The following NR2F1-AS1 variants were observed in gnomAD, a reference collection of about 807,000 sequenced individuals.
NR2F1-AS1 encodes NR2F1 regulatory antisense RNA 1.
At chr5:93,463,629 G>A (rs893837339) in intron 4 of NR2F1-AS1, among the ~76,000 whole-genome samples, 1 of 152,106 alleles carries the variant, frequency 6.6e-6, no homozygotes, top group African/African-American at 2.4e-5. Context: ...GCCAGGAGGG[G>A]GCCTGTACCC....
At chr5:93,413,208 G>GTA (rs752991953) in intron 4 of NR2F1-AS1, among the ~76,000 whole-genome samples, 199 of 128,580 alleles carry the variant, frequency 1.5e-3, no homozygotes, top group Middle Eastern at 4.3e-3. Flanking sequence ...GTATATATAT[G>GTA]TATATATATA....
At chr5:93,503,378 A>G (rs1210567745) in intron 4 of NR2F1-AS1, among the ~76,000 whole-genome samples, 1 of 152,220 alleles carries the variant, frequency 6.6e-6, no homozygotes, top group African/African-American at 2.4e-5. Flanking sequence ...TAATTTCATT[A>G]ATGTTATTAT....
At chr5:93,426,768 G>A (rs1749203985) in intron 4 of NR2F1-AS1, among the ~76,000 whole-genome samples, 1 of 152,212 alleles carries the variant, frequency 6.6e-6, no homozygotes, top group East Asian at 1.9e-4. Context: ...GTAAAAGGAA[G>A]AAGAGTGGGA....
chr5:93,498,316 G>T (rs920714064), intron 4 of NR2F1-AS1, among the ~76,000 whole-genome samples: 1 of 151,896 alleles, frequency 6.6e-6, no homozygotes, highest in African/African-American at 2.4e-5. Flanking sequence ...TTCTTGCCTT[G>T]TTTTTTCCTC....
chr5:93,482,350 G>A (rs146198832), intron 4 of NR2F1-AS1, among the ~76,000 whole-genome samples: 2 of 152,094 alleles, frequency 1.3e-5, no homozygotes, highest in African/African-American at 4.8e-5. Context: ...GCAAGGGGTC[G>A]GTGAACTCCC....
chr5:93,515,375 C>G (rs1462857878), intron 4 of NR2F1-AS1, among the ~76,000 whole-genome samples: 1 of 151,874 alleles, frequency 6.6e-6, no homozygotes, highest in African/African-American at 2.4e-5. Context: ...TTATAGATTA[C>G]TAATGGTAGT....
chr5:93,520,681 C>A (rs1390389252), intron 4 of NR2F1-AS1, among the ~76,000 whole-genome samples: 1 of 151,960 alleles, frequency 6.6e-6, no homozygotes, highest in Admixed American at 6.6e-5. Context: ...CAAATAAATT[C>A]TCGTCTTCCA....
chr5:93,472,564 T>C (rs1164096316), intron 4 of NR2F1-AS1, among the ~76,000 whole-genome samples: 1 of 151,896 alleles, frequency 6.6e-6, no homozygotes, highest in Non-Finnish European at 1.5e-5. Context: ...TGATTATACA[T>C]ATATGTAAAA....
At chr5:93,513,528 T>C (rs1751343593) in intron 4 of NR2F1-AS1, among the ~76,000 whole-genome samples, 1 of 152,094 alleles carries the variant, frequency 6.6e-6, no homozygotes, top group Non-Finnish European at 1.5e-5. Context: ...ATGGAGGTCA[T>C]TATCCCAAGT....
At chr5:93,537,038 G>C (rs1264863137) in intron 4 of NR2F1-AS1, among the ~76,000 whole-genome samples, 2 of 152,176 alleles carry the variant, frequency 1.3e-5, no homozygotes, top group African/African-American at 4.8e-5. Flanking sequence ...GGCCTCCGCA[G>C]CCATGTGGAA....
At chr5:93,499,049 C>G (rs1420644760) in intron 4 of NR2F1-AS1, among the ~76,000 whole-genome samples, 3 of 152,106 alleles carry the variant, frequency 2.0e-5, no homozygotes, top group Non-Finnish European at 1.5e-5. Context: ...ATATGCTATT[C>G]TATTCAGAAT....
upstream of NR2F1-AS1, chr5:93,580,840 G>A (rs566655948): frequency 6.6e-5 from 10 of 152,444 alleles, no homozygotes; most frequent in Admixed American, 5.2e-4. Context: ...ATAGGGACGA[G>A]GGCAAGGAGC....
In NR2F1-AS1 at chr5:93,525,200, G is replaced by A. The variant is rs533625371; in HGVS notation, n.638+28561C>T. Among the ~76,000 whole-genome samples the A allele has an allele frequency of 5.9e-5, 9 of 151,962 alleles. No individual in the cohort carries two copies. In the East Asian group the frequency reaches 1.7e-3, roughly 29 times the overall value. On this transcript the variant is annotated intron_variant and non_coding_transcript_variant, in intron 4 of 5. Transcript: ENST00000660523. ...AAATGGAAAGCAAAAAAAAAGCAGG[G>A]GTTACAATCCTAGTCTCTGATAAAA...
At chr5:93,520,897 A>G (rs565667917) in intron 4 of NR2F1-AS1, among the ~76,000 whole-genome samples, 1 of 152,322 alleles carries the variant, frequency 6.6e-6, no homozygotes, top group African/African-American at 2.4e-5. Context: ...AAGCACTTAG[A>G]AACATCACAA....
chr5:93,526,941 A>T (rs746907426), intron 4 of NR2F1-AS1, among the ~76,000 whole-genome samples: 4 of 152,114 alleles, frequency 2.6e-5, no homozygotes, highest in Non-Finnish European at 5.9e-5. Flanking sequence ...CAGCACAAGA[A>T]AAGGATGACC....
intron 4 of NR2F1-AS1, among the ~76,000 whole-genome samples, chr5:93,418,685 C>T (rs1202478245): frequency 1.3e-5 from 2 of 152,112 alleles, no homozygotes; most frequent in African/African-American, 2.4e-5. Flanking sequence ...AATTTGCTGA[C>T]CCCTTATCTG....
chr5:93,458,395 T>G (rs1056642085), intron 4 of NR2F1-AS1, among the ~76,000 whole-genome samples: 1 of 152,118 alleles, frequency 6.6e-6, no homozygotes, highest in African/African-American at 2.4e-5. Context: ...ATCAACTGAT[T>G]TTCAACAAAT....
chr5:93,484,942 A>T (rs1303497320), intron 4 of NR2F1-AS1, among the ~76,000 whole-genome samples: 2 of 152,218 alleles, frequency 1.3e-5, no homozygotes, highest in African/African-American at 4.8e-5. Flanking sequence ...CACCCAATAC[A>T]GGAGTACCTA....
At chr5:93,415,252 A>G (rs1447827016) in intron 4 of NR2F1-AS1, among the ~76,000 whole-genome samples, 1 of 152,196 alleles carries the variant, frequency 6.6e-6, no homozygotes, top group Non-Finnish European at 1.5e-5. Context: ...AACTGTATCT[A>G]CTTCACAGGG....
Sources: allele counts gnomAD v4.1 joint callset (sites outside exome capture counted in the v4.1 genomes callset), GRCh38; gene constraint gnomAD v4.1.1; transcripts MANE v1.5; gene names NCBI Gene and HGNC (gene_info 2026-07-23, HGNC 2026-07-21).